TJP1: variants seen among roughly 807,000 people sequenced by gnomAD.
TJP1 encodes the protein tight junction protein 1.
In TJP1, 43 loss-of-function variants were observed where a neutral mutation model predicts 194.2. That is an observed-to-expected ratio of 0.22 (90% confidence interval 0.17 to 0.29). The LOEUF is 0.29. TJP1 is among the 10% of genes least tolerant of loss of function. The pLI, the probability that TJP1 is intolerant of heterozygous loss-of-function variation, is 1.00. For synonymous variants in TJP1, 801 were observed against 779.0 expected (o/e 1.03, Z -0.47); for missense variants, 1,971 against 2,185.7 (o/e 0.90, Z 1.96).
chr15:29,944,254 G>A (rs1243110952), intron 2 of TJP1, among the ~76,000 whole-genome samples: 2 of 151,612 alleles, frequency 1.3e-5, no homozygotes, highest in Non-Finnish European at 2.9e-5. Context: ...CACCACACCC[G>A]GCTAATTTTT....
intron 2 of TJP1, among the ~76,000 whole-genome samples, chr15:29,878,923 G>C (rs980546923): frequency 2.0e-5 from 3 of 152,052 alleles, no homozygotes; most frequent in African/African-American, 7.2e-5. Context: ...AAGAGATCGA[G>C]ACTGTGCTGG....
chr15:29,889,619 C>T (rs559672536), intron 2 of TJP1, among the ~76,000 whole-genome samples: 1 of 152,318 alleles, frequency 6.6e-6, no homozygotes, highest in African/African-American at 2.4e-5. Flanking sequence ...TTAACTCACC[C>T]CAACCTCTCC....
chr15:29,817,333 C>A (rs1200145264), intron 1 of TJP1, among the ~76,000 whole-genome samples: 1 of 152,150 alleles, frequency 6.6e-6, no homozygotes, highest in Non-Finnish European at 1.5e-5. Flanking sequence ...CAGGAAACAA[C>A]AGATGCTGCC....
chr15:29,928,033 C>T (rs1331141173), intron 2 of TJP1, among the ~76,000 whole-genome samples: 1 of 151,808 alleles, frequency 6.6e-6, no homozygotes, highest in Admixed American at 6.6e-5. Flanking sequence ...CATCCTAGAC[C>T]TCAATTTATT....
At chr15:29,752,194 C>G (rs1406433247) in intron 8 of TJP1, among the ~76,000 whole-genome samples, 1 of 151,994 alleles carries the variant, frequency 6.6e-6, no homozygotes, top group Non-Finnish European at 1.5e-5. Context: ...CCTCTGCCTC[C>G]CAGGTTCAAG....
chr15:29,792,729 C>T (rs930691777), intron 2 of TJP1, among the ~76,000 whole-genome samples: 4 of 152,216 alleles, frequency 2.6e-5, no homozygotes, highest in Non-Finnish European at 5.9e-5. Context: ...TCCAACAATA[C>T]TGAATCCATG....
At chr15:29,961,179 C>T (rs1453087117) in intron 1 of TJP1, among the ~76,000 whole-genome samples, 1 of 152,096 alleles carries the variant, frequency 6.6e-6, no homozygotes, top group African/African-American at 2.4e-5. Context: ...TCTTCCCCAG[C>T]CCTGATGGTG....
At chr15:29,869,750 T>C (rs1323651225) in intron 2 of TJP1, among the ~76,000 whole-genome samples, 1 of 151,498 alleles carries the variant, frequency 6.6e-6, no homozygotes, top group Non-Finnish European at 1.5e-5. Context: ...TCCAGCATCT[T>C]GAAGGCAGAA....
At chr15:29,744,533 C>A (rs1233900574) in intron 8 of TJP1, among the ~76,000 whole-genome samples, 1 of 151,826 alleles carries the variant, frequency 6.6e-6, no homozygotes, top group Non-Finnish European at 1.5e-5. Context: ...TAAAAGAAGC[C>A]AATAAATATA....
rs535502225 is a variant in TJP1 at position 29,896,246 on chromosome 15, T to C, written c.306+59986A>G. 1.4e-4 allele frequency among the ~76,000 whole-genome samples: 22 copies of C among 152,336 alleles called. 2 individuals carry two copies. In the South Asian group the frequency reaches 4.4e-3, roughly 30 times the overall value. The stretch of plus-strand genomic sequence containing the variant: ...GGTGATTGAATGATGGGGGCGGATC[T>C]TTCCTGTGCTGTTCTCCTGATAGTG... On this transcript the variant is annotated intron_variant, in intron 2 of 28. Transcript: ENST00000356107.
At chr15:29,829,775 TTAG>T (rs1420511596) in intron 2 of TJP1, among the ~76,000 whole-genome samples, 7 of 151,868 alleles carry the variant, frequency 4.6e-5, no homozygotes, top group Non-Finnish European at 1.0e-4. Flanking sequence ...TACAGAAAAA[TTAG>T]TAGAACTTGC....
Position 29,879,388 on chromosome 15 carries a change from C to CCCTCCAGCTG in TJP1, c.306+76834_306+76843dup, listed in dbSNP as rs1348257974. 6.6e-5 allele frequency among the ~76,000 whole-genome samples: 10 copies of CCCTCCAGCTG among 152,344 alleles called. No individual in the cohort carries two copies. In the East Asian group the frequency reaches 1.9e-3, roughly 29 times the overall value. On this transcript the variant is annotated intron_variant, in intron 2 of 28. Coordinates refer to the TJP1 transcript ENST00000356107. ...CACCAGTGGACAGACGCCTCCCTAT[C>CCCTCCAGCTG]CCTCCAGCTGCCTCCGGCGCTTGCT...
intron 2 of TJP1, among the ~76,000 whole-genome samples, chr15:29,843,174 C>T (rs1030654091): frequency 4.2e-5 from 6 of 142,896 alleles, no homozygotes; most frequent in African/African-American, 1.3e-4. Context: ...TGTTTTTTTT[C>T]TTTTTTCTTT....
rs537098013 is a variant in TJP1 at position 29,937,798 on chromosome 15, G to A, written c.306+18434C>T. On this transcript the variant is annotated intron_variant, in intron 2 of 28. Transcript: ENST00000356107. ...TCCAGCTGGGCTGTTCTTTTGCCCT[G>A]GTTCAAAATATACCTAGATGTGGAA... Among the ~76,000 whole-genome samples, 3 of 152,202 alleles carry A rather than the reference G, an allele frequency of 2.0e-5. No individual in the cohort carries two copies. The South Asian group carries it at 6.2e-4, about 32-fold the overall frequency.
chr15:29,775,328 A>G (rs2046947225), intron 2 of TJP1, among the ~76,000 whole-genome samples: 3 of 966 alleles, frequency 3.1e-3, no homozygotes. Context: ...TTAATACAGA[A>G]AAAAAAAAAA....
chr15:29,930,103 A>C (rs1422114794), intron 2 of TJP1, among the ~76,000 whole-genome samples: 2 of 152,202 alleles, frequency 1.3e-5, no homozygotes, highest in Non-Finnish European at 2.9e-5. Flanking sequence ...CTCAAAATAA[A>C]CTAAAAATAA....
At chr15:29,853,876 T>A (rs537358997) in intron 2 of TJP1, among the ~76,000 whole-genome samples, 1 of 152,276 alleles carries the variant, frequency 6.6e-6, no homozygotes, top group South Asian at 2.1e-4. Context: ...CTGCATTACA[T>A]GGGAATAAAA....
chr15:29,852,779 C>G (rs964631891), intron 2 of TJP1, among the ~76,000 whole-genome samples: 1 of 152,008 alleles, frequency 6.6e-6, no homozygotes, highest in African/African-American at 2.4e-5. Context: ...TGGTGCATGC[C>G]TGTAGTCCCA....
intron 3 of TJP1, among the ~76,000 whole-genome samples, chr15:29,772,902 C>G (rs1342289540): frequency 6.6e-6 from 1 of 151,848 alleles, no homozygotes; most frequent in Non-Finnish European, 1.5e-5. Context: ...GTAGCTGGGA[C>G]TGCAGGCACA....
Sources: allele counts gnomAD v4.1 joint callset (sites outside exome capture counted in the v4.1 genomes callset), GRCh38; gene constraint gnomAD v4.1.1; transcripts MANE v1.5; gene names NCBI Gene and HGNC (gene_info 2026-07-23, HGNC 2026-07-21).